Variants in WSCD1 observed in about 807,000 individuals in gnomAD.
The protein encoded by WSCD1 is WSC domain sialate O sulfotransferase 1.
Under a neutral mutation model 60.4 loss-of-function variants are expected in WSCD1, and 41 were observed. That is an observed-to-expected ratio of 0.68 (90% CI 0.53 to 0.88). The LOEUF (loss-of-function observed/expected upper bound fraction) is 0.88. WSCD1 is among the 40% of genes least tolerant of loss of function. The pLI is 0.00. For synonymous variants in WSCD1, 361 were observed against 332.5 expected (o/e 1.09, Z -0.93); for missense variants, 784 against 796.2 (o/e 0.98, Z 0.18).
At chr17:6,100,617 C>A (rs1241074440) in intron 5 of WSCD1, among the ~76,000 whole-genome samples, 1 of 152,254 alleles carries the variant, frequency 6.6e-6, no homozygotes, top group Admixed American at 6.5e-5. Flanking sequence ...CAGGGGTTCA[C>A]AGCCTTGGAT....
At chr17:6,088,256 G>A in intron 3 of WSCD1, 152 bp downstream of exon 3, 1 of 697,036 alleles carries the variant, frequency 1.4e-6, no homozygotes, top group Non-Finnish European at 2.4e-6. Context: ...AAGGAAGTTT[G>A]TTGGCAGATG....
intron 2 of WSCD1, among the ~76,000 whole-genome samples, chr17:6,083,130 G>A (rs951757621): frequency 6.6e-6 from 1 of 152,196 alleles, no homozygotes; most frequent in South Asian, 2.1e-4. Context: ...TCTCTGTGCA[G>A]GTTTTATCAG....
At chr17:6,073,743 C>T (rs113518923) in intron 1 of WSCD1, among the ~76,000 whole-genome samples, 18 of 152,376 alleles carry the variant, frequency 1.2e-4, no homozygotes, top group African/African-American at 3.8e-4. Flanking sequence ...GGAAAAATGC[C>T]GGCCCCGGCG....
In WSCD1 at chr17:6,080,624, CG is replaced by C; in HGVS notation, c.-31del. The C allele has an allele frequency of 1.2e-6, 2 of 1,607,830 alleles. No homozygotes were observed. The highest frequency in any genetic ancestry group is 1.3e-5 in the African/African-American group (1 of 74,602). ...CCCACCTGGGCGCTAGGAGCCATCCCGGGGCTCCAGCCAGGAGCCCTGCTGC... is the reference window on the plus strand; with the variant it reads ...CCCACCTGGGCGCTAGGAGCCATCCCGGGCTCCAGCCAGGAGCCCTGCTGC... On this transcript the variant is annotated 5_prime_UTR_variant, in exon 2 of 9. Coordinates refer to ENST00000317744, the MANE Select transcript of WSCD1 (RefSeq NM_015253.2). This position sits in a 1 kb window ranked among gnomAD's most constrained non-coding sequence, Gnocchi z 6.6.
At chr17:6,072,232 C>T (rs575106730) in intron 1 of WSCD1, among the ~76,000 whole-genome samples, 2 of 152,404 alleles carry the variant, frequency 1.3e-5, no homozygotes, top group African/African-American at 4.8e-5. Context: ...ACTCCTGTCT[C>T]TTCCTCCTGT....
At chr17:6,108,214 C>T (rs1452311274) in intron 5 of WSCD1, among the ~76,000 whole-genome samples, 2 of 152,202 alleles carry the variant, frequency 1.3e-5, no homozygotes, top group Non-Finnish European at 2.9e-5. Flanking sequence ...GTGCCCAAAT[C>T]CTCAGCTTTA....
chr17:6,074,917 G>A (rs888235495), intron 1 of WSCD1, among the ~76,000 whole-genome samples: 12 of 152,060 alleles, frequency 7.9e-5, no homozygotes, highest in African/African-American at 2.4e-4. Flanking sequence ...GGGTACAGAA[G>A]CCAGGCGCTA....
intron 2 of WSCD1, among the ~76,000 whole-genome samples, chr17:6,083,382 G>A (rs1449204512): frequency 6.6e-6 from 1 of 152,208 alleles, no homozygotes; most frequent in Admixed American, 6.5e-5. Flanking sequence ...TCGGTCTGGT[G>A]ATAGAGTCAG....
intron 4 of WSCD1, among the ~76,000 whole-genome samples, chr17:6,093,115 C>T (rs192733389): frequency 2.9e-4 from 44 of 152,354 alleles, no homozygotes; most frequent in African/African-American, 9.9e-4. Flanking sequence ...GCCTTGGAGG[C>T]GTCATTCTGC....
In WSCD1 at chr17:6,098,109, C is replaced by G. The variant is rs548153272; in HGVS notation, c.849+2886C>G. On this transcript the variant is annotated intron_variant, in intron 5 of 8. Coordinates refer to ENST00000317744, the MANE Select transcript of WSCD1 (RefSeq NM_015253.2). The stretch of plus-strand genomic sequence containing the variant: ...GTGACTACAGGCACACACTACCATG[C>G]CCAGCTAATTTTTTTGTGTATTTTT... 2.0e-5 allele frequency among the ~76,000 whole-genome samples: 3 copies of G among 149,154 alleles called. No individual in the cohort carries two copies. The South Asian group carries it at 6.5e-4, about 32-fold the overall frequency.
In WSCD1 at chr17:6,121,410, A is replaced by G. The variant is rs1254298685; in HGVS notation, c.*749A>G. 1 of 152,288 alleles carries G rather than the reference A, an allele frequency of 6.6e-6. No homozygotes were observed. Among genetic ancestry groups the G allele is most frequent in the East Asian group, 1.9e-4 (1 of 5,174 alleles). The allele number at this position is 152,288 out of a possible 1,614,324, so 9.4% of individuals were successfully genotyped here. A position where few individuals can be genotyped will look rare whatever the true frequency, so the allele number is the denominator to read the frequency against. ...GCAGACACTGACCTCAAGACCAGCC[A>G]CACCAAGTCTGTGCACTGCCCACCA... On this transcript the variant is annotated 3_prime_UTR_variant, in exon 9 of 9. Coordinates refer to ENST00000317744, the MANE Select transcript of WSCD1 (RefSeq NM_015253.2).
chr17:6,078,581 C>CGT (rs1909020370), intron 1 of WSCD1, among the ~76,000 whole-genome samples: 2 of 150,240 alleles, frequency 1.3e-5, no homozygotes, highest in Non-Finnish European at 3.0e-5. Flanking sequence ...TGTGTGTGTG[C>CGT]GTGTGTGTGC....
chr17:6,117,964 A>C lies in WSCD1; in HGVS notation c.1175-24A>C, dbSNP rs756617017. The C allele has an allele frequency of 1.9e-6, 3 of 1,611,822 alleles. No individual in the cohort carries two copies. The African/African-American group carries it at 4.0e-5, about 22-fold the overall frequency. On this transcript the variant is annotated intron_variant, in intron 7 of 8. Coordinates refer to ENST00000317744, the MANE Select transcript of WSCD1 (RefSeq NM_015253.2). Reference sequence around the variant, plus strand: ...GCCCCATGGACACCATCTTCCACAGAGACCCTCTCATTTTTCCCTGCAGGG... The same window carrying C: ...GCCCCATGGACACCATCTTCCACAGCGACCCTCTCATTTTTCCCTGCAGGG...
rs918078207 is a variant in WSCD1 at position 6,070,460 on chromosome 17, G to T, written c.-481G>T. The T allele has an allele frequency of 6.8e-6, 1 of 146,944 alleles. No homozygotes were observed. Among genetic ancestry groups the T allele is most frequent in the Non-Finnish European group, 1.5e-5 (1 of 65,884 alleles). The allele number at this position is 146,944 out of a possible 1,614,324, so 9.1% of individuals were successfully genotyped here. On this transcript the variant is annotated 5_prime_UTR_variant, in exon 1 of 9. Coordinates refer to ENST00000317744, the MANE Select transcript of WSCD1 (RefSeq NM_015253.2). ...GCCCGCCCCGCCGTTCAGCCCGGAC[G>T]CCAGCAGCCCCGGGGAGCCAGGCGG...
intron 1 of WSCD1, among the ~76,000 whole-genome samples, chr17:6,074,016 G>A (rs768636111): frequency 6.6e-6 from 1 of 152,206 alleles, no homozygotes; most frequent in African/African-American, 2.4e-5. Context: ...TTGTTCATCT[G>A]ATCATTCATC....
chr17:6,072,775 C>T (rs1427252635), intron 1 of WSCD1, among the ~76,000 whole-genome samples: 3 of 152,200 alleles, frequency 2.0e-5, no homozygotes, highest in Non-Finnish European at 2.9e-5. Context: ...TTCCTTTAAT[C>T]TCTCCTCATC....
intron 1 of WSCD1, among the ~76,000 whole-genome samples, chr17:6,074,054 C>T (rs936792703): frequency 7.9e-5 from 12 of 152,126 alleles, no homozygotes; most frequent in African/African-American, 2.4e-4. Flanking sequence ...GGTGAAAGTA[C>T]CTGGAACTCT....
Position 6,090,364 on chromosome 17 carries a change from T to A in WSCD1, c.586T>A (p.Cys196Ser). 1 of 1,609,628 alleles carries A rather than the reference T, an allele frequency of 6.2e-7. No homozygotes were observed. Among genetic ancestry groups the A allele is most frequent in the Non-Finnish European group, 8.5e-7 (1 of 1,178,194 alleles). ...CTTGGAGGCCGGGGCGGAGTGTTAC[T>A]GCGGGAACCGGCTGCCAGCGGTGAG... ...AGLEAGAECY[C>S]GNRLPAVSVG... Residue 196 changes from cysteine (C) to serine (S), a missense_variant, in exon 4 of 9, where the codon TGC becomes AGC. Coordinates refer to ENST00000317744, the MANE Select transcript of WSCD1 (RefSeq NM_015253.2).
chr17:6,075,656 T>A lies in WSCD1; in HGVS notation c.-288-4715T>A, dbSNP rs117048926. Among the ~76,000 whole-genome samples the A allele has an allele frequency of 1.2e-3, 178 of 152,166 alleles. 3 individuals carry two copies. The East Asian group carries it at 0.029, about 25-fold the overall frequency. ...CATGCTTGACAGGGAACTCAGAATC[T>A]CCCTCCCCAGGCCCTGCTCTTCTGT... On this transcript the variant is annotated intron_variant, in intron 1 of 8. Coordinates refer to ENST00000317744, the MANE Select transcript of WSCD1 (RefSeq NM_015253.2). The surrounding 1 kb of genome is among the most constrained non-coding windows in gnomAD (Gnocchi z 4.1).
Sources: gnomAD v4.1 joint callset for allele counts (sites outside exome capture counted in the v4.1 genomes callset) on GRCh38, gnomAD v4.1.1 for gene constraint, Gnocchi (gnomAD v3.1) non-coding constraint, MANE v1.5 for transcripts, NCBI Gene and HGNC (gene_info 2026-07-23, HGNC 2026-07-21) for gene names.